The following ROR1 variants were observed in gnomAD, a reference collection of about 807,000 sequenced individuals.
The protein encoded by ROR1 is inactive tyrosine-protein kinase transmembrane receptor ROR1.
A neutral mutation model predicts 78.8 loss-of-function variants in ROR1; 19 were observed. The observed-to-expected ratio is 0.24, with a 90% CI of 0.17 to 0.35. The LOEUF is 0.35. Ranked by LOEUF, ROR1 falls within the 10% of genes least tolerant of loss-of-function variation. ROR1 has a pLI of 1.00. For missense variants in ROR1, 917 were observed against 1,177.8 expected (o/e 0.78, Z 3.24); for synonymous variants, 386 against 433.6 (o/e 0.89, Z 1.36).
chr1:63,831,596 C>T (rs750424713), intron 1 of ROR1, among the ~76,000 whole-genome samples: 20 of 152,164 alleles, frequency 1.3e-4, no homozygotes, highest in Non-Finnish European at 2.2e-4. Flanking sequence ...GCAGGAGGGA[C>T]CCCTGGCCCA....
chr1:64,063,802 A>C (rs1646935471), intron 4 of ROR1, among the ~76,000 whole-genome samples: 1 of 152,152 alleles, frequency 6.6e-6, no homozygotes, highest in South Asian at 2.1e-4. Flanking sequence ...GCTACACCCT[A>C]GATAAGTTAA....
rs188821740 is a variant in ROR1 at position 63,777,912 on chromosome 1, G to A, written c.91+3404G>A. 1.2e-4 allele frequency among the ~76,000 whole-genome samples: 19 copies of A among 152,232 alleles called. No homozygotes were observed. In the East Asian group the frequency reaches 1.9e-3, roughly 15 times the overall value. ...TGAATGAATGGAGAATAACTTTTTCGGTTGTATGCAAAATTCTGATATATG... is the reference window on the plus strand; with the variant it reads ...TGAATGAATGGAGAATAACTTTTTCAGTTGTATGCAAAATTCTGATATATG... On this transcript the variant is annotated intron_variant, in intron 1 of 8. Transcript: ENST00000371079.
intron 1 of ROR1, among the ~76,000 whole-genome samples, chr1:63,789,934 T>G (rs1014036631): frequency 2.8e-4 from 42 of 152,246 alleles, no homozygotes; most frequent in African/African-American, 8.2e-4. Flanking sequence ...CAACCCCCTC[T>G]GTGGTCTCAT....
chr1:64,022,325 T>G (rs1186235714), intron 2 of ROR1, among the ~76,000 whole-genome samples: 2 of 152,252 alleles, frequency 1.3e-5, no homozygotes, highest in African/African-American at 4.8e-5. Context: ...AAATGGTGGT[T>G]GTACAACATT....
At chr1:64,060,896 A>G (rs1433648693) in intron 4 of ROR1, among the ~76,000 whole-genome samples, 1 of 152,204 alleles carries the variant, frequency 6.6e-6, no homozygotes, top group African/African-American at 2.4e-5. Context: ...AACAATCCCC[A>G]CTGTATGAAT....
chr1:64,121,549 C>G (rs1648543577), intron 4 of ROR1, among the ~76,000 whole-genome samples: 2 of 147,424 alleles, frequency 1.4e-5, no homozygotes, highest in Admixed American at 1.4e-4. Context: ...CAGTGGTGTA[C>G]CAAGGGCTGG....
chr1:64,178,853 TA>T lies in ROR1; in HGVS notation c.*2del. On this transcript the variant is annotated frameshift_variant and stop_lost, in exon 9 of 9. Transcript: ENST00000371079. LOFTEE classifies it high-confidence loss of function. The surrounding 1 kb of genome is among the most constrained non-coding windows in gnomAD (Gnocchi z 4.3). ...CGAATCTATGATTTCTGCAGAACTG[TA>T]AAATGCACAACTTTTGTAAATGTGG... ...HTESMISAEL[*>X] 1 of 1,607,376 alleles carries T rather than the reference TA, an allele frequency of 6.2e-7. No individual in the cohort carries two copies. The highest frequency in any genetic ancestry group is 8.5e-7 in the Non-Finnish European group (1 of 1,175,656).
intron 4 of ROR1, among the ~76,000 whole-genome samples, chr1:64,067,896 T>G (rs1646971587): frequency 6.6e-6 from 1 of 152,052 alleles, no homozygotes; most frequent in African/African-American, 2.4e-5. Context: ...GTATTTTTAG[T>G]AGAGACGGGG....
chr1:64,058,734 T>G (rs1158681003), intron 4 of ROR1, among the ~76,000 whole-genome samples: 1 of 152,086 alleles, frequency 6.6e-6, no homozygotes, highest in Non-Finnish European at 1.5e-5. Context: ...GGATTCAGCT[T>G]GCTGGTATTT....
chr1:63,788,645 G>A (rs1644706355), intron 1 of ROR1: 1 of 180,868 alleles, frequency 5.5e-6, no homozygotes, highest in African/African-American at 2.4e-5. Flanking sequence ...TATATTTTAA[G>A]GCTTGTTTTA....
chr1:63,934,289 C>T (rs921212113), intron 1 of ROR1, among the ~76,000 whole-genome samples: 12 of 152,110 alleles, frequency 7.9e-5, no homozygotes, highest in African/African-American at 2.9e-4. Flanking sequence ...TTGAACCGAG[C>T]CATACCAGTC....
At chr1:64,064,083 G>A (rs1030473822) in intron 4 of ROR1, among the ~76,000 whole-genome samples, 1 of 152,178 alleles carries the variant, frequency 6.6e-6, no homozygotes, top group Non-Finnish European at 1.5e-5. Context: ...ACAAATTCTG[G>A]ACTATTTAAC....
chr1:64,028,836 T>C (rs1646637290), intron 2 of ROR1: 1 of 152,206 alleles, frequency 6.6e-6, no homozygotes, highest in African/African-American at 2.4e-5. Flanking sequence ...ACAGTTAAAT[T>C]ATTATTGCCT....
intron 1 of ROR1, among the ~76,000 whole-genome samples, chr1:63,993,624 G>A (rs1389536567): frequency 6.6e-6 from 1 of 152,140 alleles, no homozygotes; most frequent in Non-Finnish European, 1.5e-5. Flanking sequence ...TACACACTAT[G>A]AGTACTTTGC....
intron 4 of ROR1, among the ~76,000 whole-genome samples, chr1:64,115,946 A>G (rs1352162263): frequency 6.6e-6 from 1 of 152,230 alleles, no homozygotes; most frequent in Non-Finnish European, 1.5e-5. Flanking sequence ...CAACATGATT[A>G]TGGTTAGAAT....
At position 63,787,476 on chromosome 1, in the gene ROR1, T is replaced by TCCTTCCTGCCTTCCTGCCTTCCTG. The variant is rs1164177762; in HGVS notation, c.91+12969_91+12992dup. Among the ~76,000 whole-genome samples, 122 of 132,538 alleles carry TCCTTCCTGCCTTCCTGCCTTCCTG rather than the reference T, an allele frequency of 9.2e-4. 1 individual carries two copies. The highest frequency in any genetic ancestry group is 1.7e-3 in the African/African-American group (55 of 33,008). The allele number at this position is 132,538 out of a possible 152,430, so 87.0% of individuals were successfully genotyped here. A position where few individuals can be genotyped will look rare whatever the true frequency, so the allele number is the denominator to read the frequency against. On this transcript the variant is annotated intron_variant, in intron 1 of 8. Transcript: ENST00000371079. ...TTCCTTCCTTCCTTCCTTCCTTCCTTCCTTCCTGCCTTCCTGCCTTCCTGA... is the reference window on the plus strand; with the variant it reads ...TTCCTTCCTTCCTTCCTTCCTTCCTTCCTTCCTGCCTTCCTGCCTTCCTGCCTTCCTGCCTTCCTGCCTTCCTGA...
intron 1 of ROR1, among the ~76,000 whole-genome samples, chr1:63,837,069 A>G (rs1412592477): frequency 6.6e-6 from 1 of 152,166 alleles, no homozygotes; most frequent in Admixed American, 6.5e-5. Context: ...CCATAAAGAA[A>G]GGTAGTCAAG....
intron 2 of ROR1, among the ~76,000 whole-genome samples, chr1:64,013,261 G>T (rs144199497): frequency 1.1e-4 from 17 of 152,252 alleles, no homozygotes; most frequent in African/African-American, 3.9e-4. Flanking sequence ...ATATTTTAGG[G>T]TTGGGGTAGA....
intron 1 of ROR1, among the ~76,000 whole-genome samples, chr1:63,939,719 G>T (rs1483946094): frequency 6.6e-6 from 1 of 152,142 alleles, no homozygotes; most frequent in East Asian, 1.9e-4. Context: ...CCATGGAGGG[G>T]TGTTACAAAG....
Sources: allele counts gnomAD v4.1 joint callset (sites outside exome capture counted in the v4.1 genomes callset), GRCh38; gene constraint gnomAD v4.1.1; non-coding constraint Gnocchi (gnomAD v3.1); transcripts MANE v1.5; gene names NCBI Gene and HGNC (gene_info 2026-07-23, HGNC 2026-07-21).